Variants in DNAAF4 observed in about 807,000 individuals in gnomAD.
DNAAF4 encodes the protein dynein axonemal assembly factor 4.
Under a neutral mutation model 51.8 loss-of-function variants are expected in DNAAF4, and 43 were observed. That is an observed-to-expected ratio of 0.83 (90% CI 0.65 to 1.07). The LOEUF (loss-of-function observed/expected upper bound fraction) is 1.07. Ranked by LOEUF, DNAAF4 falls within the 50% of genes least tolerant of loss-of-function variation. The pLI is 0.00. For synonymous variants in DNAAF4, 194 were observed against 165.6 expected (o/e 1.17, Z -1.32); for missense variants, 581 against 493.0 (o/e 1.18, Z -1.69).
At chr15:55,496,817 G>A (rs190187681) in intron 3 of DNAAF4, among the ~76,000 whole-genome samples, 16 of 151,808 alleles carry the variant, frequency 1.1e-4, no homozygotes, top group Middle Eastern at 3.4e-3. Flanking sequence ...TTCATATAGC[G>A]ATCATTTTGA....
intron 5 of DNAAF4, among the ~76,000 whole-genome samples, chr15:55,462,197 GT>G (rs559031776): frequency 0.026 from 3,861 of 146,304 alleles, 58 homozygotes; most frequent in Non-Finnish European, 0.036. Context: ...TTCACAGCTG[GT>G]TTTTTTTTTT....
chr15:55,467,571 C>A (rs974096146), intron 4 of DNAAF4, among the ~76,000 whole-genome samples: 2 of 129,650 alleles, frequency 1.5e-5, no homozygotes, highest in African/African-American at 2.7e-5. Context: ...ACACACACAT[C>A]CCAACACATA....
chr15:55,441,845 C>A (rs1250380300), intron 6 of DNAAF4, among the ~76,000 whole-genome samples: 1 of 152,122 alleles, frequency 6.6e-6, no homozygotes, highest in African/African-American at 2.4e-5. Flanking sequence ...GAATCCCAGA[C>A]AACAGATTTG....
At position 55,434,941 on chromosome 15, in the gene DNAAF4, T is replaced by A. The variant is rs780776258; in HGVS notation, c.1011A>T (p.Leu337=). 2 of 1,612,286 alleles carry A rather than the reference T, an allele frequency of 1.2e-6. No individual in the cohort carries two copies. Among genetic ancestry groups the A allele is most frequent in the Non-Finnish European group, 1.7e-6 (2 of 1,179,664 alleles). The change falls in exon 8 of 10, where the codon CTA becomes CTT. Residue 337 remains leucine (L), a synonymous_variant. Transcript: ENST00000321149. ...YLNRAACHLK[L]KNLHKAIEDS... ...CTTCAATAGCCTTGTGTAAGTTTTT[T>A]AGTTTTAGGTGGCAAGCAGCCCGGT...
chr15:55,465,047 T>C (rs536350653), intron 5 of DNAAF4, among the ~76,000 whole-genome samples: 8 of 152,212 alleles, frequency 5.3e-5, no homozygotes, highest in African/African-American at 1.9e-4. Context: ...AAAACCACAA[T>C]GCGATACCAC....
At chr15:55,477,029 G>A (rs755408463) in intron 4 of DNAAF4, among the ~76,000 whole-genome samples, 6 of 151,974 alleles carry the variant, frequency 3.9e-5, no homozygotes, top group Non-Finnish European at 7.4e-5. Context: ...AAAATTAGCC[G>A]GGCGTGGTGG....
chr15:55,433,739 T>C (rs1190767665), intron 8 of DNAAF4, among the ~76,000 whole-genome samples: 1 of 126,202 alleles, frequency 7.9e-6, no homozygotes, highest in Admixed American at 1.0e-4. Context: ...ATATATATAA[T>C]TATTTGTTTT....
intron 5 of DNAAF4, among the ~76,000 whole-genome samples, chr15:55,457,427 C>T (rs942614742): frequency 6.6e-6 from 1 of 152,144 alleles, no homozygotes; most frequent in Non-Finnish European, 1.5e-5. Flanking sequence ...TGAGCCCAGA[C>T]CCAACTAACC....
chr15:55,450,143 C>T, intron 6 of DNAAF4, 79 bp downstream of exon 6: 1 of 1,400,242 alleles, frequency 7.1e-7, no homozygotes, highest in Non-Finnish European at 9.5e-7. Flanking sequence ...AAATTCAGAA[C>T]CAGTACTAAT....
intron 7 of DNAAF4, among the ~76,000 whole-genome samples, chr15:55,438,799 GA>G (rs968135567): frequency 3.4e-5 from 5 of 148,064 alleles, no homozygotes; most frequent in South Asian, 2.1e-4. Flanking sequence ...AAAAAAAAAA[GA>G]AAAAAAATGG....
At chr15:55,476,089 T>A (rs2058331094) in intron 4 of DNAAF4, among the ~76,000 whole-genome samples, 1 of 152,112 alleles carries the variant, frequency 6.6e-6, no homozygotes, top group African/African-American at 2.4e-5. Flanking sequence ...TCTTCACAAG[T>A]GAAAGCAAAA....
intron 4 of DNAAF4, among the ~76,000 whole-genome samples, chr15:55,473,866 A>G (rs1024055975): frequency 6.6e-6 from 1 of 151,734 alleles, no homozygotes; most frequent in South Asian, 2.1e-4. Context: ...GTGGCACACA[A>G]CTGTAGTCCC....
chr15:55,467,458 C>T (rs112691530), intron 4 of DNAAF4, among the ~76,000 whole-genome samples: 2 of 152,094 alleles, frequency 1.3e-5, no homozygotes, highest in African/African-American at 4.8e-5. Context: ...TGTGGGCAGG[C>T]ATTCAATTAG....
At chr15:55,499,846 T>C (rs1483381033) in intron 1 of DNAAF4, among the ~76,000 whole-genome samples, 1 of 152,206 alleles carries the variant, frequency 6.6e-6, no homozygotes, top group South Asian at 2.1e-4. Flanking sequence ...CTGAAACCTA[T>C]ACACAAACCA....
chr15:55,434,992 A>G lies in DNAAF4; in HGVS notation c.960T>C (p.Asn320=). ...INAYNLAIRL[N]NKMPLLYLNR... ...TCAAATACAATAGTGGCATCTTATT[A>G]TTTAGTCTTATGGCTAAATTATATG... Residue 320 remains asparagine (N), a synonymous_variant, in exon 8 of 10, where the codon AAT becomes AAC. Transcript: ENST00000321149. The G allele has an allele frequency of 6.2e-7, 1 of 1,613,162 alleles. No homozygotes were observed. Among genetic ancestry groups the G allele is most frequent in the Non-Finnish European group, 8.5e-7 (1 of 1,179,818 alleles).
chr15:55,475,212 A>T (rs1204960889), intron 4 of DNAAF4, among the ~76,000 whole-genome samples: 2 of 152,234 alleles, frequency 1.3e-5, no homozygotes, highest in Non-Finnish European at 2.9e-5. Flanking sequence ...TATAAAATTC[A>T]TCTGCAAAGA....
rs1018217897 is a variant in DNAAF4 at position 55,459,905 on chromosome 15, T to A, written c.637+7025A>T. On this transcript the variant is annotated intron_variant, in intron 5 of 9. Transcript: ENST00000321149. ...TTTTAGTAGAGACAGAGTTTCACCA[T>A]GTTGGCCTGGCTGGTCTCAAACTCC... Among the ~76,000 whole-genome samples, 13 of 152,048 alleles carry A rather than the reference T, an allele frequency of 8.5e-5. 1 individual carries two copies. The highest frequency in any genetic ancestry group is 3.1e-4 in the African/African-American group (13 of 41,428).
chr15:55,427,190 C>G (rs190712020), downstream of DNAAF4, among the ~76,000 whole-genome samples: 6 of 152,050 alleles, frequency 3.9e-5, no homozygotes, highest in Admixed American at 3.3e-4. Context: ...CTCAGCCTCC[C>G]GAGTGGCTGG....
Position 55,435,564 on chromosome 15 carries a change from TC to T in DNAAF4, c.894-507del, listed in dbSNP as rs1368152703. 1.4e-4 allele frequency among the ~76,000 whole-genome samples: 21 copies of T among 152,302 alleles called. No homozygotes were observed. In the East Asian group the frequency reaches 4.0e-3, roughly 29 times the overall value. Reference sequence around the variant, plus strand: ...AAAAGGCAGAAAGAAACCGAGCCCTTCATGATACAGTTAAGCTGCTGGATCA... The same window carrying T: ...AAAAGGCAGAAAGAAACCGAGCCCTTATGATACAGTTAAGCTGCTGGATCA... On this transcript the variant is annotated intron_variant, in intron 7 of 9. Transcript: ENST00000321149.
Sources: allele counts gnomAD v4.1 joint callset (sites outside exome capture counted in the v4.1 genomes callset), GRCh38; gene constraint gnomAD v4.1.1; transcripts MANE v1.5; gene names NCBI Gene and HGNC (gene_info 2026-07-23, HGNC 2026-07-21).